Variants in BRINP3 observed in about 807,000 individuals in gnomAD.
BRINP3 encodes BMP/retinoic acid inducible neural specific 3.
Under a neutral mutation model 71.0 loss-of-function variants are expected in BRINP3, and 19 were observed. That is an observed-to-expected ratio of 0.27 (90% CI 0.19 to 0.39). The LOEUF is 0.39. Among genes scored for constraint, BRINP3 ranks in the 10% least tolerant of loss-of-function variants. BRINP3 has a pLI of 1.00. For synonymous variants in BRINP3, 380 were observed against 337.7 expected (o/e 1.13, Z -1.37); for missense variants, 959 against 940.8 (o/e 1.02, Z -0.25).
intron 6 of BRINP3, among the ~76,000 whole-genome samples, chr1:190,212,867 T>C (rs1656104255): frequency 6.6e-6 from 1 of 152,104 alleles, no homozygotes; most frequent in Non-Finnish European, 1.5e-5. Context: ...GGGCACGTAA[T>C]GTGAGCTAGA....
chr1:190,347,690 A>T (rs1025640521), intron 2 of BRINP3, among the ~76,000 whole-genome samples: 2 of 152,138 alleles, frequency 1.3e-5, no homozygotes, highest in Non-Finnish European at 2.9e-5. Flanking sequence ...GTACTCACTA[A>T]TGCTATAAAT....
At chr1:190,155,416 G>A (rs750876040) in intron 7 of BRINP3, among the ~76,000 whole-genome samples, 6 of 151,994 alleles carry the variant, frequency 3.9e-5, no homozygotes, top group African/African-American at 1.2e-4. Context: ...CTGTGGTAGT[G>A]AACAAAAATT....
At chr1:190,434,871 C>T (rs1674352081) in intron 2 of BRINP3, among the ~76,000 whole-genome samples, 1 of 152,054 alleles carries the variant, frequency 6.6e-6, no homozygotes, top group African/African-American at 2.4e-5. Flanking sequence ...TCCTTCCATG[C>T]TATACTAACT....
At chr1:190,380,101 G>T (rs917486329) in intron 2 of BRINP3, among the ~76,000 whole-genome samples, 3 of 151,910 alleles carry the variant, frequency 2.0e-5, no homozygotes, top group Middle Eastern at 3.4e-3. Flanking sequence ...CACCTTTGCT[G>T]CTCTGAGTTG....
chr1:190,368,212 G>C (rs971228953), intron 2 of BRINP3, among the ~76,000 whole-genome samples: 2 of 152,044 alleles, frequency 1.3e-5, no homozygotes, highest in Non-Finnish European at 2.9e-5. Context: ...ATGGTGGAAG[G>C]GGAAGTAAAC....
chr1:190,265,739 A>T (rs1203045933), intron 3 of BRINP3, among the ~76,000 whole-genome samples: 1 of 151,874 alleles, frequency 6.6e-6, no homozygotes, highest in Non-Finnish European at 1.5e-5. Context: ...AAATAAATAA[A>T]AAGAAAGAAA....
chr1:190,349,831 G>A (rs773306865), intron 2 of BRINP3, among the ~76,000 whole-genome samples: 2 of 152,084 alleles, frequency 1.3e-5, no homozygotes, highest in Admixed American at 6.6e-5. Flanking sequence ...GGAAGAAAGT[G>A]CTTACCATTA....
intron 1 of BRINP3, among the ~76,000 whole-genome samples, chr1:190,465,489 T>C (rs1676679978): frequency 6.6e-6 from 1 of 151,864 alleles, no homozygotes; most frequent in South Asian, 2.1e-4. Context: ...ACCCTTAATA[T>C]ATGATCCGCC....
chr1:190,231,964 C>T (rs1481575749), intron 5 of BRINP3, among the ~76,000 whole-genome samples: 2 of 151,876 alleles, frequency 1.3e-5, no homozygotes, highest in Non-Finnish European at 2.9e-5. Flanking sequence ...AGGAGAGTTT[C>T]AGAAGTTCTT....
At chr1:190,257,655 G>A (rs985864205) in intron 4 of BRINP3, among the ~76,000 whole-genome samples, 1 of 152,082 alleles carries the variant, frequency 6.6e-6, no homozygotes. Context: ...CTACAGATGG[G>A]GTTTTGGTGT....
chr1:190,125,406 C>T (rs1654007435), intron 7 of BRINP3, among the ~76,000 whole-genome samples: 1 of 150,978 alleles, frequency 6.6e-6, no homozygotes, highest in African/African-American at 2.4e-5. Context: ...TATCTTTCTT[C>T]TCTTTTACAA....
intron 2 of BRINP3, among the ~76,000 whole-genome samples, chr1:190,299,934 G>C (rs1664547411): frequency 6.6e-6 from 1 of 151,908 alleles, no homozygotes; most frequent in Non-Finnish European, 1.5e-5. Context: ...TAGTCTGATG[G>C]GCTTCCCTTT....
intron 2 of BRINP3, among the ~76,000 whole-genome samples, chr1:190,413,548 G>T (rs1156745766): frequency 1.3e-5 from 2 of 152,126 alleles, no homozygotes; most frequent in East Asian, 3.9e-4. Flanking sequence ...TGTTATCAAG[G>T]AGACAGAGAT....
At chr1:190,308,477 C>T (rs1424270147) in intron 2 of BRINP3, among the ~76,000 whole-genome samples, 5 of 151,178 alleles carry the variant, frequency 3.3e-5, no homozygotes, top group African/African-American at 1.2e-4. Flanking sequence ...GAACATCACA[C>T]ACTGGGGACT....
chr1:190,211,009 T>C (rs1396646779), intron 6 of BRINP3, among the ~76,000 whole-genome samples: 1 of 152,110 alleles, frequency 6.6e-6, no homozygotes, highest in Non-Finnish European at 1.5e-5. Context: ...TACCAGTGAT[T>C]TGCCAGGGGC....
rs1669572567 is a variant in BRINP3 at position 190,367,336 on chromosome 1, G to A, written c.237-85586C>T. 4.6e-5 allele frequency among the ~76,000 whole-genome samples: 7 copies of A among 152,154 alleles called. 1 individual carries two copies. In the South Asian group the frequency reaches 1.4e-3, roughly 32 times the overall value. On this transcript the variant is annotated intron_variant, in intron 2 of 7. Coordinates refer to ENST00000367462, the MANE Select transcript of BRINP3 (RefSeq NM_199051.3). ...CCTTGACCCCTTGTAGCCATGGCTGGAGCTAAAGCAGCTGGGATGCAGGAC... is the reference window on the plus strand; with the variant it reads ...CCTTGACCCCTTGTAGCCATGGCTGAAGCTAAAGCAGCTGGGATGCAGGAC...
intron 2 of BRINP3, among the ~76,000 whole-genome samples, chr1:190,307,873 A>G (rs1665230643): frequency 6.6e-6 from 1 of 152,074 alleles, no homozygotes; most frequent in African/African-American, 2.4e-5. Flanking sequence ...TAAAATAAAC[A>G]TTTCAAAATA....
At chr1:190,401,739 G>C (rs1165101697) in intron 2 of BRINP3, among the ~76,000 whole-genome samples, 1 of 151,688 alleles carries the variant, frequency 6.6e-6, no homozygotes, top group African/African-American at 2.4e-5. Context: ...ATTAATAAAA[G>C]AAAACAATTA....
chr1:190,266,207 A>C (rs567264399), intron 3 of BRINP3, among the ~76,000 whole-genome samples: 5 of 152,330 alleles, frequency 3.3e-5, no homozygotes, highest in Admixed American at 3.3e-4. Context: ...ATAAACTAAT[A>C]AGTCACTTTT....
Sources: gnomAD v4.1 joint callset for allele counts (sites outside exome capture counted in the v4.1 genomes callset) on GRCh38, gnomAD v4.1.1 for gene constraint, MANE v1.5 for transcripts, NCBI Gene and HGNC (gene_info 2026-07-23, HGNC 2026-07-21) for gene names.